Variants in TTLL6 observed in about 807,000 individuals in gnomAD.
TTLL6 encodes the protein tubulin polyglutamylase TTLL6.
Under a neutral mutation model 96.4 loss-of-function variants are expected in TTLL6, and 75 were observed. The observed-to-expected ratio is 0.78, with a 90% CI of 0.65 to 0.94. The LOEUF (loss-of-function observed/expected upper bound fraction) is 0.94, where lower values mean the gene tolerates loss of function less well. Ranked by LOEUF, TTLL6 falls within the 40% of genes least tolerant of loss-of-function variation. The pLI is 0.00. For synonymous variants in TTLL6, 411 were observed against 419.4 expected (o/e 0.98, Z 0.24); for missense variants, 1,030 against 1,093.0 (o/e 0.94, Z 0.81).
chr17:48,816,257 A>G (rs2039665603), intron 1 of TTLL6, among the ~76,000 whole-genome samples: 1 of 151,982 alleles, frequency 6.6e-6, no homozygotes, highest in South Asian at 2.1e-4. Flanking sequence ...AGCCTGGGCA[A>G]AAAAGTGAGC....
intron 3 of TTLL6, among the ~76,000 whole-genome samples, chr17:48,802,077 AAAAAGAAAG>A (rs2039429186): frequency 2.7e-5 from 3 of 109,950 alleles, no homozygotes; most frequent in Admixed American, 1.0e-4. Flanking sequence ...AGAAAGAAAG[AAAAAGAAAG>A]AAAGAAAGAA....
At chr17:48,773,854 G>A (rs541187053) in intron 13 of TTLL6, among the ~76,000 whole-genome samples, 4 of 151,736 alleles carry the variant, frequency 2.6e-5, no homozygotes, top group Admixed American at 2.0e-4. Context: ...AGGCCGAAGC[G>A]GGTGGGTCAC....
intron 8 of TTLL6, chr17:48,794,184 T>G: frequency 6.2e-7 from 1 of 1,613,888 alleles, no homozygotes; most frequent in Non-Finnish European, 8.5e-7. Flanking sequence ...AGAACAACAC[T>G]TGAAGCCTTG....
chr17:48,766,243 G>C (rs2038601658), intron 15 of TTLL6, among the ~76,000 whole-genome samples: 1 of 152,156 alleles, frequency 6.6e-6, no homozygotes, highest in African/African-American at 2.4e-5. Context: ...CCCAATCTTT[G>C]AGGAGCCCCC....
chr17:48,783,904 C>T (rs956206246), intron 13 of TTLL6, among the ~76,000 whole-genome samples: 1 of 152,116 alleles, frequency 6.6e-6, no homozygotes, highest in Non-Finnish European at 1.5e-5. Flanking sequence ...AACAAGGTGT[C>T]CATACATCAA....
chr17:48,804,861 G>A lies in TTLL6; in HGVS notation c.234C>T (p.Val78=), dbSNP rs1305478035. The change falls in exon 2 of 16, where the codon GTC becomes GTT. Residue 78 remains valine, a synonymous_variant. Coordinates refer to ENST00000393382, the MANE Select transcript of TTLL6 (RefSeq NM_001130918.3). ...GGTTCTCTCTCACAAAAGCCAGCGC[G>A]ACGGTTTCTTTTGGATCTTCTTTGG... is the stretch of plus-strand genomic sequence containing the variant. ...DSSKEDPKET[V]ALAFVRENPG... is the part of the protein sequence containing the mutation. 1.9e-6 allele frequency: 3 copies of A among 1,552,186 alleles called. No individual in the cohort carries two copies. Among genetic ancestry groups the A allele is most frequent in the Non-Finnish European group, 2.6e-6 (3 of 1,147,146 alleles).
At chr17:48,810,824 T>TATATATATATATA (rs1435209864) in intron 1 of TTLL6, among the ~76,000 whole-genome samples, 1 of 56,804 alleles carries the variant, frequency 1.8e-5, no homozygotes, top group African/African-American at 1.0e-4. Context: ...AGTATGTGTG[T>TATATATATATATA]GTATATATAT....
chr17:48,774,649 C>T (rs184501726), intron 13 of TTLL6, among the ~76,000 whole-genome samples: 3 of 152,054 alleles, frequency 2.0e-5, no homozygotes, highest in Admixed American at 2.0e-4. Flanking sequence ...ATAAAGCCAC[C>T]TCAGATGAAA....
intron 10 of TTLL6, 126 bp from the exon 11 acceptor site, chr17:48,788,125 G>T (rs2039143403): frequency 1.2e-6 from 1 of 840,508 alleles, no homozygotes; most frequent in Non-Finnish European, 1.9e-6. Flanking sequence ...GGTCAATCAG[G>T]ATTTGCTAAA....
intron 13 of TTLL6, among the ~76,000 whole-genome samples, chr17:48,772,195 C>T (rs1345967735): frequency 1.3e-5 from 2 of 152,026 alleles, no homozygotes; most frequent in Non-Finnish European, 2.9e-5. Context: ...AGTCAATACA[C>T]TAAGACCAGC....
rs776705658 is a variant in TTLL6 at position 48,801,241 on chromosome 17, C to CG, written c.611+13dup. The CG allele has an allele frequency of 1.5e-5, 24 of 1,549,892 alleles. No homozygotes were observed. The South Asian group carries it at 2.5e-4, about 16-fold the overall frequency. On this transcript the variant is annotated intron_variant, in intron 5 of 15. Coordinates refer to ENST00000393382, the MANE Select transcript of TTLL6 (RefSeq NM_001130918.3). ...GGGGAGTGGAGAAGGAAGTACAGGGCGGGGGGCACTCACTCAGCAGGAAGA... is the reference window on the plus strand; with the variant it reads ...GGGGAGTGGAGAAGGAAGTACAGGGCGGGGGGGCACTCACTCAGCAGGAAGA...
chr17:48,773,465 T>C (rs1335281653), intron 13 of TTLL6, among the ~76,000 whole-genome samples: 1 of 152,212 alleles, frequency 6.6e-6, no homozygotes, highest in South Asian at 2.1e-4. Flanking sequence ...CTCATGCCTA[T>C]AATCCCAGCA....
At chr17:48,768,918 C>G in intron 15 of TTLL6, 71 bp downstream of exon 15, 3 of 1,506,538 alleles carry the variant, frequency 2.0e-6, no homozygotes, top group Non-Finnish European at 2.7e-6. Context: ...TCCTACCTAC[C>G]CAACATTCCA....
intron 8 of TTLL6, 111 bp from the exon 9 acceptor site, chr17:48,791,714 G>A (rs1448528372): frequency 1.1e-5 from 10 of 876,500 alleles, no homozygotes; most frequent in Non-Finnish European, 1.6e-5. Flanking sequence ...CAGAGCCAGC[G>A]AGGATGAACG....
rs1314249974 is a variant in TTLL6, at chr17:48,769,599, TG to T, written c.2410+128del. 5 of 1,153,962 alleles carry T rather than the reference TG, an allele frequency of 4.3e-6. No individual in the cohort carries two copies. In the African/African-American group the frequency reaches 7.7e-5, roughly 18 times the overall value. 71.5% of individuals were successfully genotyped at this position (1,153,962 alleles called of 1,614,324 possible). A position where few individuals can be genotyped will look rare whatever the true frequency, so the allele number is the denominator to read the frequency against. Reference sequence around the variant, plus strand: ...ATGGACTGTGTCTCCACCATCAGACTGGGGTTTCCCTGAAGACAGGGGCTGT... The same window carrying T: ...ATGGACTGTGTCTCCACCATCAGACTGGGTTTCCCTGAAGACAGGGGCTGT... On this transcript the variant is annotated intron_variant, in intron 14 of 15. Transcript: ENST00000393382.
At chr17:48,786,394 A>G (rs2039096718) in intron 11 of TTLL6, 59 bp from the exon 12 acceptor site, 1 of 1,607,602 alleles carries the variant, frequency 6.2e-7, no homozygotes, top group Non-Finnish European at 8.5e-7. Context: ...GCAGGCAGGC[A>G]TTCTCCTTGA....
intron 1 of TTLL6, among the ~76,000 whole-genome samples, chr17:48,811,826 T>G (rs1024725144): frequency 1.3e-5 from 2 of 149,710 alleles, no homozygotes; most frequent in African/African-American, 2.5e-5. Context: ...GCCTCCCAAA[T>G]AGCTGGGATT....
intron 15 of TTLL6, among the ~76,000 whole-genome samples, chr17:48,763,718 G>A (rs1485680192): frequency 2.6e-5 from 4 of 152,142 alleles, no homozygotes; most frequent in Non-Finnish European, 4.4e-5. Flanking sequence ...AGAATCAGTT[G>A]AACCTGGGAG....
chr17:48,778,743 G>A (rs1212667516), intron 13 of TTLL6, among the ~76,000 whole-genome samples: 2 of 151,200 alleles, frequency 1.3e-5, no homozygotes, highest in African/African-American at 2.4e-5. Flanking sequence ...CAGCCTGACC[G>A]ACATAGTGAA....
Sources: gnomAD v4.1 joint callset for allele counts (sites outside exome capture counted in the v4.1 genomes callset) on GRCh38, gnomAD v4.1.1 for gene constraint, MANE v1.5 for transcripts, NCBI Gene and HGNC (gene_info 2026-07-23, HGNC 2026-07-21) for gene names.